The following TPTE2 variants were observed in gnomAD, a reference collection of about 807,000 sequenced individuals.
TPTE2 encodes transmembrane phosphoinositide 3-phosphatase and tensin homolog 2.
Under a neutral mutation model 78.6 loss-of-function variants are expected in TPTE2, and 53 were observed. The ratio of observed to expected loss-of-function variants is 0.67; its 90% CI spans 0.54 to 0.85. TPTE2 has a LOEUF of 0.85. TPTE2 is among the 40% of genes least tolerant of loss of function. The probability of loss-of-function intolerance (pLI) is 0.00; values close to 1 mark genes in which losing one functional copy is unlikely to be tolerated. For missense variants in TPTE2, 461 were observed against 623.0 expected (o/e 0.74, Z 2.77); for synonymous variants, 175 against 206.2 (o/e 0.85, Z 1.30).
chr13:19,485,219 A>G (rs527793834), intron 3 of TPTE2, among the ~76,000 whole-genome samples: 85 of 152,128 alleles, frequency 5.6e-4, no homozygotes, highest in South Asian at 1.2e-3. Context: ...GACTCCCTTG[A>G]GCATTTCTTG....
the TPTE2 span, among the ~76,000 whole-genome samples, chr13:19,551,079 T>A: frequency 5.3e-5 from 8 of 152,198 alleles, no homozygotes; most frequent in Admixed American, 3.3e-4. Context: ...ATCAGATATT[T>A]TGCAGAAGAG....
chr13:19,543,516 C>T, the TPTE2 span, among the ~76,000 whole-genome samples: 114 of 151,008 alleles, frequency 7.5e-4, 2 homozygotes, highest in South Asian at 7.8e-3. Context: ...GCCAGCCCTC[C>T]GGCTAATTTT....
At chr13:19,457,305 T>A (rs1409717119) in intron 10 of TPTE2, among the ~76,000 whole-genome samples, 15 of 152,202 alleles carry the variant, frequency 9.9e-5, no homozygotes, top group African/African-American at 3.6e-4. Flanking sequence ...TGGTTATAGA[T>A]GCATGCATAT....
chr13:19,560,850 T>C, the TPTE2 span: 164 of 1,560,626 alleles, frequency 1.1e-4, 1 homozygote, highest in South Asian at 1.7e-3. Context: ...AGGCTCTTGG[T>C]GAAGCGGCAG....
At position 19,451,153 on chromosome 13, in the gene TPTE2, T is replaced by C. The variant is rs1244059445; in HGVS notation, c.802+12A>G. 3.1e-6 allele frequency: 5 copies of C among 1,612,692 alleles called. No individual in the cohort carries two copies. Among genetic ancestry groups the C allele is most frequent in the Non-Finnish European group, 3.4e-6 (4 of 1,179,382 alleles). Reference sequence around the variant, plus strand: ...CTACCTACAGTAGCAAAATATAGAGTAATGTACATACTGCATAGATTGTAG... The same window carrying C: ...CTACCTACAGTAGCAAAATATAGAGCAATGTACATACTGCATAGATTGTAG... On this transcript the variant is annotated intron_variant, in intron 11 of 19. Transcript: ENST00000400230.
At chr13:19,547,087 C>CAAAAA in the TPTE2 span, among the ~76,000 whole-genome samples, 2 of 142,914 alleles carry the variant, frequency 1.4e-5, no homozygotes, top group East Asian at 4.0e-4. Context: ...TAAAAGTTAC[C>CAAAAA]AAAAAAAAAA....
At chr13:19,431,052 G>A (rs2497229) in intron 16 of TPTE2, among the ~76,000 whole-genome samples, 151,070 of 151,212 alleles carry the variant, frequency 1, 75,464 homozygotes, top group Middle Eastern at 1. Flanking sequence ...GCTTGAACCC[G>A]GGAGGCAGAG....
chr13:19,476,614 A>G (rs1879954723), intron 4 of TPTE2, among the ~76,000 whole-genome samples: 1 of 152,176 alleles, frequency 6.6e-6, no homozygotes, highest in Admixed American at 6.5e-5. Context: ...ATACGAAGAA[A>G]AGCTCAATAT....
rs576929985 is a variant in TPTE2 at position 19,498,370 on chromosome 13, A to C, written c.11+4854T>G. 1.3e-4 allele frequency among the ~76,000 whole-genome samples: 20 copies of C among 152,258 alleles called. No individual in the cohort carries two copies. The East Asian group carries it at 2.9e-3, about 22-fold the overall frequency. ...GTCAGATTCACCAAAGTTGAAATGA[A>C]GGAAAAAATGTTCAGGGCAGCCAGA... On this transcript the variant is annotated intron_variant, in intron 1 of 19. Coordinates refer to ENST00000400230, the Ensembl canonical transcript of TPTE2.
chr13:19,430,536 C>T, exon 17 of TPTE2: 3 of 1,610,652 alleles, frequency 1.9e-6, no homozygotes, highest in Non-Finnish European at 2.5e-6. Flanking sequence ...ACTTTTAGAT[C>T]ACATACATCA....
At chr13:19,431,295 T>G (rs1189152057) in intron 16 of TPTE2, among the ~76,000 whole-genome samples, 3 of 152,118 alleles carry the variant, frequency 2.0e-5, no homozygotes, top group Non-Finnish European at 4.4e-5. Flanking sequence ...CCTGATGCAA[T>G]CTCTATAAAA....
chr13:19,458,832 T>C (rs1878708198), intron 10 of TPTE2: 1 of 330,376 alleles, frequency 3.0e-6, no homozygotes, highest in Admixed American at 3.6e-5. Context: ...GGCATTTAGG[T>C]TGATTCCATG....
Position 19,500,499 on chromosome 13 carries a change from C to T in TPTE2, c.11+2725G>A, listed in dbSNP as rs1362860844. Among the ~76,000 whole-genome samples the T allele has an allele frequency of 6.6e-3, 992 of 150,648 alleles. 9 individuals carry two copies. The highest frequency in any genetic ancestry group is 0.021 in the African/African-American group (880 of 41,284). ...TGGGATGCAAGGCTGGTTCAATATA[C>T]GCAAATCAATAAATGTCATCCAGCA... On this transcript the variant is annotated intron_variant, in intron 1 of 19. Coordinates refer to ENST00000400230, the Ensembl canonical transcript of TPTE2.
In TPTE2 at chr13:19,465,553, A is replaced by C; in HGVS notation, c.524T>G (p.Leu175Ter). Residue 175 changes from leucine to a stop codon, truncating the protein, a stop_gained, in exon 8 of 20, where the codon TTA becomes TGA. Coordinates refer to ENST00000400230, the Ensembl canonical transcript of TPTE2. LOFTEE classifies it high-confidence loss of function. Reference sequence around the variant, plus strand: ...AATAATAAGTCGTAGAAGTCGAACTAAATGTGTCCATCTAACAATAAATTT... The same window carrying C: ...AATAATAAGTCGTAGAAGTCGAACTCAATGTGTCCATCTAACAATAAATTT... 1 of 1,591,952 alleles carries C rather than the reference A, an allele frequency of 6.3e-7. No individual in the cohort carries two copies.
At chr13:19,437,107 TATTCC>T (rs1176749390) in intron 14 of TPTE2, among the ~76,000 whole-genome samples, 12 of 152,192 alleles carry the variant, frequency 7.9e-5, no homozygotes, top group African/African-American at 2.9e-4. Flanking sequence ...TATTCTGCTC[TATTCC>T]ATTTTATTTT....
At chr13:19,482,980 T>C (rs28455732) in intron 3 of TPTE2, among the ~76,000 whole-genome samples, 1 of 152,226 alleles carries the variant, frequency 6.6e-6, no homozygotes, top group African/African-American at 2.4e-5. Context: ...ATAAAAGTTA[T>C]GTTTACCCTA....
In TPTE2 at chr13:19,467,359, A is replaced by C. The variant is rs1480025919; in HGVS notation, c.393-15T>G. The stretch of plus-strand genomic sequence containing the variant: ...ACTGCTGTCTCCTGTAATATAAAAA[A>C]AAAAAAAAAAAAGTTCATTTCCCTC... On this transcript the variant is annotated splice_polypyrimidine_tract_variant and intron_variant, in intron 6 of 19. Transcript: ENST00000400230. 6.8e-7 allele frequency: 1 copy of C among 1,466,948 alleles called. No individual in the cohort carries two copies. Among genetic ancestry groups the C allele is most frequent in the Non-Finnish European group, 9.0e-7 (1 of 1,107,798 alleles). 90.9% of individuals were successfully genotyped at this position (1,466,948 alleles called of 1,614,324 possible). A position where few individuals can be genotyped will look rare whatever the true frequency, so the allele number is the denominator to read the frequency against.
intron 10 of TPTE2, among the ~76,000 whole-genome samples, chr13:19,460,068 G>C (rs1357255268): frequency 2.6e-5 from 4 of 152,242 alleles, no homozygotes; most frequent in Non-Finnish European, 1.5e-5. Context: ...CATATGGACA[G>C]ATTTCCCACT....
At chr13:19,517,863 G>C (rs1441986939) in intron 1 of TPTE2, among the ~76,000 whole-genome samples, 1 of 152,134 alleles carries the variant, frequency 6.6e-6, no homozygotes, top group African/African-American at 2.4e-5. Context: ...GCATGGGGTG[G>C]GGGAGAATGT....
Sources: allele counts gnomAD v4.1 joint callset (sites outside exome capture counted in the v4.1 genomes callset), GRCh38; gene constraint gnomAD v4.1.1; transcripts MANE v1.5; gene names NCBI Gene and HGNC (gene_info 2026-07-23, HGNC 2026-07-21).